SYT14: variants seen among roughly 807,000 people sequenced by gnomAD.
The protein encoded by SYT14 is synaptotagmin-14.
A neutral mutation model predicts 74.2 loss-of-function variants in SYT14; 32 were observed. That is an observed-to-expected ratio of 0.43 (90% confidence interval 0.33 to 0.58). SYT14 has a LOEUF of 0.58. SYT14 is among the 20% of genes least tolerant of loss of function. The pLI, the probability that SYT14 is intolerant of heterozygous loss-of-function variation, is 0.05. For missense variants in SYT14, 791 were observed against 981.8 expected (o/e 0.81, Z 2.60); for synonymous variants, 298 against 337.7 (o/e 0.88, Z 1.29).
intron 8 of SYT14, among the ~76,000 whole-genome samples, chr1:210,159,064 CATA>C (rs1183535275): frequency 4.6e-5 from 7 of 151,944 alleles, no homozygotes; most frequent in East Asian, 1.9e-4. Flanking sequence ...TAATAGTAAG[CATA>C]ATAATAATTC....
In SYT14 at chr1:210,159,407, C is replaced by A; in HGVS notation, c.2225-14C>A. On this transcript the variant is annotated splice_polypyrimidine_tract_variant and intron_variant, in intron 8 of 9. Coordinates refer to ENST00000637265, the Ensembl canonical transcript of SYT14. Reference sequence around the variant, plus strand: ...TCATTATTTCTTTTACTGCTTTCCACCCCCTGTTGTCAGATGGACTGTTCT... The same window carrying A: ...TCATTATTTCTTTTACTGCTTTCCAACCCCTGTTGTCAGATGGACTGTTCT... The A allele has an allele frequency of 1.9e-6, 3 of 1,551,120 alleles. No homozygotes were observed. The highest frequency in any genetic ancestry group is 2.6e-6 in the Non-Finnish European group (3 of 1,146,562).
intron 2 of SYT14, among the ~76,000 whole-genome samples, chr1:209,994,449 A>G (rs1333975136): frequency 2.0e-5 from 3 of 152,174 alleles, no homozygotes; most frequent in Non-Finnish European, 4.4e-5. Flanking sequence ...AGAAAAAAGA[A>G]TTTTTTAAAA....
intron 5 of SYT14, among the ~76,000 whole-genome samples, chr1:210,040,062 A>T (rs549037601): frequency 5.9e-5 from 9 of 152,292 alleles, no homozygotes; most frequent in African/African-American, 2.2e-4. Context: ...ATAAAGACAC[A>T]TGCACACATA....
chr1:210,164,556 AATG>A (rs900079982), exon 10 of SYT14: 2 of 154,110 alleles, frequency 1.3e-5, no homozygotes, highest in African/African-American at 2.4e-5. Context: ...GGGGATACTG[AATG>A]ATATCATAGT....
intron 5 of SYT14, among the ~76,000 whole-genome samples, chr1:210,072,902 A>C (rs895594093): frequency 6.6e-6 from 1 of 151,934 alleles, no homozygotes; most frequent in Non-Finnish European, 1.5e-5. Flanking sequence ...CAGGAAAAGT[A>C]GACAAGAATA....
chr1:210,008,696 C>A (rs1363089662), intron 2 of SYT14, among the ~76,000 whole-genome samples: 1 of 152,152 alleles, frequency 6.6e-6, no homozygotes, highest in Non-Finnish European at 1.5e-5. Context: ...CCTTAAGAGG[C>A]ATGTGTGTTT....
chr1:209,998,146 A>T (rs2079831751), intron 2 of SYT14, among the ~76,000 whole-genome samples: 1 of 152,054 alleles, frequency 6.6e-6, no homozygotes, highest in Non-Finnish European at 1.5e-5. Context: ...TTTATGTAGT[A>T]TTTCTATACA....
chr1:209,953,368 A>G (rs548578025), intron 2 of SYT14: 11 of 633,060 alleles, frequency 1.7e-5, no homozygotes, highest in East Asian at 1.3e-4. Flanking sequence ...TCACAAATCT[A>G]TGAAATCATA....
At chr1:210,080,544 G>T (rs2081598379) in intron 5 of SYT14, among the ~76,000 whole-genome samples, 1 of 152,152 alleles carries the variant, frequency 6.6e-6, no homozygotes, top group Admixed American at 6.5e-5. Flanking sequence ...TGCCCTGCCA[G>T]TCATGGTTGG....
exon 10 of SYT14, chr1:210,168,043 G>T (rs531626628): frequency 6.9e-6 from 1 of 144,156 alleles, no homozygotes; most frequent in East Asian, 2.1e-4. Flanking sequence ...TTTAATCATA[G>T]CATGTTTGTT....
At chr1:210,066,662 C>T (rs2081301753) in intron 5 of SYT14, among the ~76,000 whole-genome samples, 1 of 152,026 alleles carries the variant, frequency 6.6e-6, no homozygotes, top group African/African-American at 2.4e-5. Context: ...AAATGTTCTC[C>T]CATTCTGTAG....
intron 3 of SYT14, 63 bp downstream of exon 3, chr1:210,013,860 T>C (rs2080134669): frequency 1.3e-6 from 2 of 1,508,348 alleles, no homozygotes; most frequent in Non-Finnish European, 1.8e-6. Context: ...TTTACTTATT[T>C]TAATATATGC....
chr1:209,959,554 C>T (rs1191843505), intron 2 of SYT14, among the ~76,000 whole-genome samples: 1 of 152,066 alleles, frequency 6.6e-6, no homozygotes, highest in Non-Finnish European at 1.5e-5. Flanking sequence ...TATTCATCCA[C>T]CAGAATAAAT....
intron 1 of SYT14, among the ~76,000 whole-genome samples, chr1:209,949,586 A>C (rs1193052132): frequency 2.6e-5 from 4 of 151,854 alleles, no homozygotes; most frequent in South Asian, 4.2e-4. Flanking sequence ...AAAAAAAAAA[A>C]CACTCAATTT....
chr1:210,108,913 G>C (rs1383817067), intron 7 of SYT14, among the ~76,000 whole-genome samples: 1 of 152,138 alleles, frequency 6.6e-6, no homozygotes, highest in African/African-American at 2.4e-5. Flanking sequence ...CAGTTCATAT[G>C]ATGTGGAAGG....
At chr1:210,077,715 A>G (rs752350300) in intron 5 of SYT14, among the ~76,000 whole-genome samples, 19 of 152,178 alleles carry the variant, frequency 1.2e-4, no homozygotes, top group Non-Finnish European at 2.5e-4. Context: ...GCAATTTATG[A>G]AAATTCCTGT....
intron 2 of SYT14, chr1:209,953,199 A>C: frequency 3.1e-6 from 4 of 1,287,586 alleles, no homozygotes; most frequent in Non-Finnish European, 3.0e-6. Flanking sequence ...ACAACTGTCT[A>C]TGCTTCCTTA....
chr1:209,990,738 CTT>C (rs1491390323), intron 2 of SYT14, among the ~76,000 whole-genome samples: 5 of 130,572 alleles, frequency 3.8e-5, no homozygotes, highest in Non-Finnish European at 6.3e-5. Flanking sequence ...AATATATACA[CTT>C]ATATATATAC....
chr1:209,939,038 T>G lies in SYT14; in HGVS notation c.-534+761T>G, dbSNP rs142158263. 5.9e-5 allele frequency among the ~76,000 whole-genome samples: 9 copies of G among 152,276 alleles called. No individual in the cohort carries two copies. In the East Asian group the frequency reaches 1.5e-3, roughly 26 times the overall value. On this transcript the variant is annotated intron_variant, in intron 1 of 9. Coordinates refer to ENST00000637265, the Ensembl canonical transcript of SYT14. ...ATTTCGAAAAACAGCTTAATAAAAA[T>G]TAAGTTCCTAGATAAGGTAGTTGAC...
Sources: allele counts gnomAD v4.1 joint callset (sites outside exome capture counted in the v4.1 genomes callset), GRCh38; gene constraint gnomAD v4.1.1; transcripts MANE v1.5; gene names NCBI Gene and HGNC (gene_info 2026-07-23, HGNC 2026-07-21).